SLC41A1: variants seen among roughly 807,000 people sequenced by gnomAD.
SLC41A1 encodes solute carrier family 41 (magnesium transporter), member 1.
A neutral mutation model predicts 47.3 loss-of-function variants in SLC41A1; 20 were observed. The ratio of observed to expected loss-of-function variants is 0.42; its 90% CI spans 0.30 to 0.61. SLC41A1 has a LOEUF of 0.61. Ranked by LOEUF, SLC41A1 falls within the 20% of genes least tolerant of loss-of-function variation. The probability of loss-of-function intolerance (pLI) is 0.17; values close to 1 mark genes in which losing one functional copy is unlikely to be tolerated. For synonymous variants in SLC41A1, 282 were observed against 272.7 expected (o/e 1.03, Z -0.34); for missense variants, 504 against 674.1 (o/e 0.75, Z 2.79).
At chr1:205,801,282 G>A in intron 2 of SLC41A1, 1 of 515,324 alleles carries the variant, frequency 1.9e-6, no homozygotes, top group Non-Finnish European at 3.5e-6. Context: ...GAGATGGAGA[G>A]GGTTTCTGCC....
At chr1:205,793,039 A>T (rs1293090365) in intron 10 of SLC41A1, among the ~76,000 whole-genome samples, 3 of 151,988 alleles carry the variant, frequency 2.0e-5, no homozygotes, top group African/African-American at 4.8e-5. Context: ...CTCTGCACAC[A>T]GCTGTCTTGT....
intron 2 of SLC41A1, among the ~76,000 whole-genome samples, chr1:205,806,190 G>A (rs896196087): frequency 2.2e-4 from 33 of 152,202 alleles, no homozygotes; most frequent in African/African-American, 7.7e-4. Context: ...CAAAGCAAAT[G>A]GGTCCCTGAC....
chr1:205,804,685 G>A (rs1655973746), intron 2 of SLC41A1, among the ~76,000 whole-genome samples: 1 of 152,068 alleles, frequency 6.6e-6, no homozygotes, highest in Admixed American at 6.5e-5. Flanking sequence ...TCCAGAGAGG[G>A]GAAAAATCCC....
intron 10 of SLC41A1, among the ~76,000 whole-genome samples, chr1:205,792,302 T>C (rs991780303): frequency 5.9e-5 from 9 of 152,242 alleles, no homozygotes; most frequent in African/African-American, 9.6e-5. Flanking sequence ...ATTCCATTCT[T>C]TTCCATTGTT....
At chr1:205,797,847 G>T in intron 7 of SLC41A1, 57 bp downstream of exon 7, 1 of 1,611,218 alleles carries the variant, frequency 6.2e-7, no homozygotes, top group Non-Finnish European at 8.5e-7. Context: ...GGTTTAAAAA[G>T]AAGTCTGTGG....
At position 205,798,098 on chromosome 1, in the gene SLC41A1, C is replaced by T. The variant is rs749837049; in HGVS notation, c.845-47G>A. The T allele has an allele frequency of 2.5e-6, 4 of 1,613,558 alleles. No homozygotes were observed. In the East Asian group the frequency reaches 6.7e-5, roughly 27 times the overall value. ...GGAGATAAGCACTGTGTTTCCCTAC[C>T]CTAAGTTTCTCCCTGGCTCAGCCTG... is the stretch of plus-strand genomic sequence containing the variant. On this transcript the variant is annotated intron_variant, in intron 6 of 10. Transcript: ENST00000367137.
rs2102497485 is a variant in SLC41A1 at position 205,789,281 on chromosome 1, G to A, written c.*2252C>T. The A allele has an allele frequency of 6.6e-6, 1 of 152,314 alleles. No individual in the cohort carries two copies. Among genetic ancestry groups the A allele is most frequent in the East Asian group, 1.9e-4 (1 of 5,188 alleles). 9.4% of individuals were successfully genotyped at this position (152,314 alleles called of 1,614,324 possible). A position where few individuals can be genotyped will look rare whatever the true frequency, so the allele number is the denominator to read the frequency against. On this transcript the variant is annotated 3_prime_UTR_variant, in exon 11 of 11. Coordinates refer to ENST00000367137, the MANE Select transcript of SLC41A1 (RefSeq NM_173854.6). ...AGTACATGCAGTTGGTACAATCGGG[G>A]AAAAGAAATGAAACTTCCATGAAAG...
intron 7 of SLC41A1, 41 bp from the exon 8 acceptor site, chr1:205,797,044 A>G: frequency 1.3e-6 from 2 of 1,564,710 alleles, no homozygotes; most frequent in Non-Finnish European, 1.8e-6. Flanking sequence ...AGACCACTGA[A>G]GGGTTCTGCC....
intron 2 of SLC41A1, among the ~76,000 whole-genome samples, chr1:205,803,714 G>A (rs1283217418): frequency 6.7e-6 from 1 of 149,834 alleles, no homozygotes; most frequent in Non-Finnish European, 1.5e-5. Flanking sequence ...CATGGCTTCG[G>A]GCTCCAGCCA....
chr1:205,795,145 G>T, intron 9 of SLC41A1, 127 bp from the exon 10 acceptor site: 1 of 1,437,032 alleles, frequency 7.0e-7, no homozygotes, highest in Non-Finnish European at 9.5e-7. Flanking sequence ...CTCTACTTCT[G>T]CATCCTGTGG....
At chr1:205,797,071 G>A (rs1048097739) in intron 7 of SLC41A1, 68 bp from the exon 8 acceptor site, 9 of 1,407,878 alleles carry the variant, frequency 6.4e-6, no homozygotes, top group Admixed American at 3.8e-5. Context: ...TCTGGGATGA[G>A]AGGTCCAGGC....
intron 4 of SLC41A1, 21 bp downstream of exon 4, chr1:205,799,738 C>T (rs1655832209): frequency 6.2e-7 from 1 of 1,613,660 alleles, no homozygotes; most frequent in African/African-American, 1.3e-5. Flanking sequence ...AGCCCACCCT[C>T]TCTGGTCCCT....
At chr1:205,803,494 C>T (rs1655938329) in intron 2 of SLC41A1, among the ~76,000 whole-genome samples, 1 of 151,932 alleles carries the variant, frequency 6.6e-6, no homozygotes, top group Admixed American at 6.6e-5. Context: ...TATTTCTCAG[C>T]CTTAAAAAGG....
intron 8 of SLC41A1, 49 bp downstream of exon 8, chr1:205,796,875 C>G: frequency 6.3e-7 from 1 of 1,579,478 alleles, no homozygotes; most frequent in Non-Finnish European, 8.6e-7. Flanking sequence ...TCTCCTGTCC[C>G]TTTCCTTCCC....
intron 2 of SLC41A1, 130 bp from the exon 3 acceptor site, chr1:205,801,190 T>C: frequency 1.4e-6 from 1 of 730,766 alleles, no homozygotes; most frequent in South Asian, 1.6e-5. Context: ...GCCAGCCACC[T>C]TTCCTCCAAG....
chr1:205,799,643 A>G lies in SLC41A1; in HGVS notation c.552+116T>C, dbSNP rs770985512. 108 of 1,182,892 alleles carry G rather than the reference A, an allele frequency of 9.1e-5. 2 individuals are homozygous for G. The South Asian group carries it at 1.3e-3, about 14-fold the overall frequency. 73.3% of individuals were successfully genotyped at this position (1,182,892 alleles called of 1,614,324 possible). ...TCCTAGAGCTACTCTGGGGGAAGCC[A>G]GCTCAGTGGGATACTGGAGATTCAC... On this transcript the variant is annotated intron_variant, in intron 4 of 10. Coordinates refer to ENST00000367137, the MANE Select transcript of SLC41A1 (RefSeq NM_173854.6).
chr1:205,800,492 A>G (rs1183495162), intron 3 of SLC41A1, among the ~76,000 whole-genome samples: 1 of 152,172 alleles, frequency 6.6e-6, no homozygotes, highest in African/African-American at 2.4e-5. Flanking sequence ...GTTTCCTTAA[A>G]GAAGAGCAAG....
intron 2 of SLC41A1, among the ~76,000 whole-genome samples, chr1:205,807,105 G>A (rs1470146368): frequency 6.6e-6 from 1 of 151,804 alleles, no homozygotes; most frequent in African/African-American, 2.4e-5. Flanking sequence ...CTTATGAAGG[G>A]GTAATATAGG....
At chr1:205,807,520 C>T (rs1656039960) in intron 2 of SLC41A1, among the ~76,000 whole-genome samples, 2 of 152,082 alleles carry the variant, frequency 1.3e-5, no homozygotes, top group Non-Finnish European at 2.9e-5. Flanking sequence ...GGTGTGTATG[C>T]GGGGGTCCCT....
Sources: allele counts gnomAD v4.1 joint callset (sites outside exome capture counted in the v4.1 genomes callset), GRCh38; gene constraint gnomAD v4.1.1; transcripts MANE v1.5; gene names NCBI Gene and HGNC (gene_info 2026-07-23, HGNC 2026-07-21).